PNPO: variants seen among roughly 807,000 people sequenced by gnomAD.
PNPO encodes pyridoxine-5'-phosphate oxidase.
A neutral mutation model predicts 35.0 loss-of-function variants in PNPO; 39 were observed. The observed-to-expected ratio is 1.11, with a 90% CI of 0.86 to 1.45. The LOEUF is 1.45. PNPO is among the 40% of genes most tolerant of loss of function. The probability of loss-of-function intolerance (pLI) is 0.00; values close to 1 mark genes in which losing one functional copy is unlikely to be tolerated. For synonymous variants in PNPO, 115 were observed against 119.8 expected, an observed-to-expected ratio of 0.96 and a Z score of 0.26; for missense variants, 288 against 340.0, an observed-to-expected ratio of 0.85 and a Z score of 1.20.
intron 1 of PNPO, 69 bp downstream of exon 1, chr17:47,941,882 G>A: frequency 6.7e-7 from 1 of 1,493,528 alleles, no homozygotes. Context: ...ATCTACAGCG[G>A]GGAGGGGAGT....
Position 47,945,329 on chromosome 17 carries a change from C to G in PNPO, c.364-230C>G. ...AAATCACCCAGTCTCACTTTGGAGT[C>G]CGACTGGCTTAAACTTAGCTCCACC... is the stretch of plus-strand genomic sequence containing the variant. On this transcript the variant is annotated intron_variant, in intron 3 of 6. Transcript: ENST00000642017. The surrounding 1 kb of genome is among the most constrained non-coding windows in gnomAD (Gnocchi z 4.0). The G allele has an allele frequency of 1.1e-5, 6 of 547,870 alleles. No homozygotes were observed. The South Asian group carries it at 1.2e-4, about 11-fold the overall frequency. The allele number at this position is 547,870 out of a possible 1,614,324, so 33.9% of individuals were successfully genotyped here.
rs1358149433 is a variant in PNPO at position 47,947,136 on chromosome 17, C to A, written c.*354C>A. 5 of 300,274 alleles carry A rather than the reference C, an allele frequency of 1.7e-5. No individual in the cohort carries two copies. Among genetic ancestry groups the A allele is most frequent in the African/African-American group, 1.1e-4 (5 of 46,514 alleles). The allele number at this position is 300,274 out of a possible 1,614,324, so 18.6% of individuals were successfully genotyped here. On this transcript the variant is annotated 3_prime_UTR_variant, in exon 7 of 7. Transcript: ENST00000642017. ...CAGCCCTGTCTGTTACCATGTGAGTCATACTGGCCAAAGCTTAGTCCTAGC... is the reference window on the plus strand; with the variant it reads ...CAGCCCTGTCTGTTACCATGTGAGTAATACTGGCCAAAGCTTAGTCCTAGC...
chr17:47,946,476 TCTC>T (rs777703284), intron 6 of PNPO, 83 bp downstream of exon 6: 9 of 1,390,480 alleles, frequency 6.5e-6, no homozygotes, highest in African/African-American at 1.4e-5. Context: ...GAATCACAGA[TCTC>T]CTCCTCCCTG....
chr17:47,942,500 A>C (rs1406504601), intron 1 of PNPO, among the ~76,000 whole-genome samples: 1 of 152,190 alleles, frequency 6.6e-6, no homozygotes, highest in Non-Finnish European at 1.5e-5. Context: ...GTTTGACAAA[A>C]AAGTAAGTGG....
intron 2 of PNPO, among the ~76,000 whole-genome samples, chr17:47,943,905 A>T (rs1358202471): frequency 1.3e-5 from 2 of 152,216 alleles, no homozygotes; most frequent in African/African-American, 4.8e-5. Flanking sequence ...GTACTGTGCG[A>T]GTGGATATCT....
In PNPO at chr17:47,945,519, C is replaced by CT. The variant is rs1297094239; in HGVS notation, c.364-39dup. ...CCTGCATGCCGGAGGCCTCCTCTCC[C>CT]TGTCCTGATGGCTGGCTGTGGATTC... On this transcript the variant is annotated intron_variant, in intron 3 of 6. Transcript: ENST00000642017. This position sits in a 1 kb window ranked among gnomAD's most constrained non-coding sequence, Gnocchi z 4.0. 2 of 1,573,412 alleles carry CT rather than the reference C, an allele frequency of 1.3e-6. No homozygotes were observed. The highest frequency in any genetic ancestry group is 2.7e-5 in the African/African-American group (2 of 74,172).
In PNPO at chr17:47,947,139, A is replaced by C; in HGVS notation, c.*357A>C. 3.3e-6 allele frequency: 1 copy of C among 298,616 alleles called. No homozygotes were observed. The highest frequency in any genetic ancestry group is 8.1e-5 in the East Asian group (1 of 12,418). 18.5% of individuals were successfully genotyped at this position (298,616 alleles called of 1,614,324 possible). A position where few individuals can be genotyped will look rare whatever the true frequency, so the allele number is the denominator to read the frequency against. On this transcript the variant is annotated 3_prime_UTR_variant, in exon 7 of 7. Transcript: ENST00000642017. ...CCCTGTCTGTTACCATGTGAGTCATACTGGCCAAAGCTTAGTCCTAGCATA... is the reference window on the plus strand; with the variant it reads ...CCCTGTCTGTTACCATGTGAGTCATCCTGGCCAAAGCTTAGTCCTAGCATA...
At chr17:47,946,229 C>T in intron 5 of PNPO, 94 bp from the exon 6 acceptor site, 1 of 1,109,254 alleles carries the variant, frequency 9.0e-7, no homozygotes, top group Non-Finnish European at 1.4e-6. Flanking sequence ...GTCTGCTCTG[C>T]TCACCCATGT....
Position 47,945,354 on chromosome 17 carries a change from C to A in PNPO, c.364-205C>A. The A allele has an allele frequency of 1.7e-6, 1 of 589,818 alleles. No individual in the cohort carries two copies. The highest frequency in any genetic ancestry group is 3.1e-6 in the Non-Finnish European group (1 of 324,662). 36.5% of individuals were successfully genotyped at this position (589,818 alleles called of 1,614,324 possible). A position where few individuals can be genotyped will look rare whatever the true frequency, so the allele number is the denominator to read the frequency against. On this transcript the variant is annotated intron_variant, in intron 3 of 6. Transcript: ENST00000642017. This position sits in a 1 kb window ranked among gnomAD's most constrained non-coding sequence, Gnocchi z 4.0. ...CCGACTGGCTTAAACTTAGCTCCAC[C>A]ACTTCCTGCAGGAACTTGGGCACGT...
chr17:47,945,538 T>C lies in PNPO; in HGVS notation c.364-21T>C, dbSNP rs769056431. 1.9e-6 allele frequency: 3 copies of C among 1,607,328 alleles called. No homozygotes were observed. Among genetic ancestry groups the C allele is most frequent in the Middle Eastern group, 3.3e-4 (2 of 6,066 alleles). The stretch of plus-strand genomic sequence containing the variant: ...CTCTCCCTGTCCTGATGGCTGGCTG[T>C]GGATTCTCTTTTACTTCTAGGACTC... On this transcript the variant is annotated intron_variant, in intron 3 of 6. Transcript: ENST00000642017. The surrounding 1 kb of genome is among the most constrained non-coding windows in gnomAD (Gnocchi z 4.0).
rs751372839 is a variant in PNPO, at chr17:47,946,744, G to A, written c.748G>A (p.Gly250Arg). The change falls in exon 7 of 7, where the codon GGG becomes AGG. Residue 250 changes from glycine to arginine, a missense_variant. Coordinates refer to ENST00000642017, the MANE Select transcript of PNPO (RefSeq NM_018129.4). Reference protein sequence around the residue: ...DSPLGPMTHRGEEDWLYERLA... With the variant: ...DSPLGPMTHRREEDWLYERLA... Reference sequence around the variant, plus strand: ...CCCTTTGGGGCCCATGACCCACCGCGGGGAGGAAGACTGGCTCTATGAGAG... The same window carrying A: ...CCCTTTGGGGCCCATGACCCACCGCAGGGAGGAAGACTGGCTCTATGAGAG... The A allele has an allele frequency of 2.7e-5, 44 of 1,614,036 alleles. No individual in the cohort carries two copies. Among genetic ancestry groups the A allele is most frequent in the Admixed American group, 1.2e-4 (7 of 59,998 alleles).
intron 3 of PNPO, chr17:47,944,995 G>A (rs1047908320): frequency 1.9e-6 from 1 of 514,502 alleles, no homozygotes; most frequent in Non-Finnish European, 3.5e-6. Flanking sequence ...CTCAGACTCA[G>A]CCCCTCATGC....
rs1164524277 is a variant in PNPO, at chr17:47,946,960, G to A, written c.*178G>A. On this transcript the variant is annotated 3_prime_UTR_variant, in exon 7 of 7. Coordinates refer to ENST00000642017, the MANE Select transcript of PNPO (RefSeq NM_018129.4). ...TACTCAGTTGGTTCTCAGTTAGCTG[G>A]TCAAGTGGAGTGTAATGGTGGCGTA... 1.6e-6 allele frequency: 1 copy of A among 614,706 alleles called. No homozygotes were observed. Among genetic ancestry groups the A allele is most frequent in the East Asian group, 2.8e-5 (1 of 36,300 alleles). The allele number at this position is 614,706 out of a possible 1,614,324, so 38.1% of individuals were successfully genotyped here.
rs866973135 is a variant in PNPO at position 47,941,758 on chromosome 17, G to A, written c.83G>A (p.Arg28His). The change falls in exon 1 of 7, where the codon CGC becomes CAC. Residue 28 changes from arginine to histidine, a missense_variant. Arg to His is a conservative substitution (Grantham distance 29). Coordinates refer to ENST00000642017, the MANE Select transcript of PNPO (RefSeq NM_018129.4). ...WPGYLSHLCG[R>H]SAAMDLGPMR... ...GGCTACCTCAGTCACCTGTGTGGTC[G>A]CAGTGCTGCCATGGACCTGGGACCC... 6.4e-6 allele frequency: 10 copies of A among 1,561,882 alleles called. No homozygotes were observed. Among genetic ancestry groups the A allele is most frequent in the Non-Finnish European group, 8.7e-6 (10 of 1,153,004 alleles).
chr17:47,946,726 G>T lies in PNPO; in HGVS notation c.730G>T (p.Gly244Trp), dbSNP rs1244140843. ...CCTACCCACAGGAGATTCCCCTTTG[G>T]GGCCCATGACCCACCGCGGGGAGGA... ...RGLPTGDSPL[G>W]PMTHRGEEDW... is the part of the protein sequence containing the mutation. Residue 244 changes from glycine to tryptophan, a missense_variant, in exon 7 of 7, where the codon GGG becomes TGG. Coordinates refer to ENST00000642017, the MANE Select transcript of PNPO (RefSeq NM_018129.4). 1.9e-6 allele frequency: 3 copies of T among 1,614,146 alleles called. No homozygotes were observed. Among genetic ancestry groups the T allele is most frequent in the Non-Finnish European group, 2.5e-6 (3 of 1,180,012 alleles).
intron 1 of PNPO, among the ~76,000 whole-genome samples, chr17:47,942,304 G>A (rs997135447): frequency 1.3e-5 from 2 of 151,772 alleles, no homozygotes; most frequent in African/African-American, 4.8e-5. Context: ...CCTCAAGGGC[G>A]GGGGAAGAGG....
chr17:47,944,825 T>C, intron 3 of PNPO, 110 bp downstream of exon 3: 1 of 865,694 alleles, frequency 1.2e-6, no homozygotes, highest in South Asian at 1.3e-5. Flanking sequence ...GCTCTCTGTG[T>C]GCAGGTGCCC....
Position 47,945,330 on chromosome 17 carries a change from C to T in PNPO, c.364-229C>T, listed in dbSNP as rs568780973. On this transcript the variant is annotated intron_variant, in intron 3 of 6. Transcript: ENST00000642017. This position sits in a 1 kb window ranked among gnomAD's most constrained non-coding sequence, Gnocchi z 4.0. ...AATCACCCAGTCTCACTTTGGAGTCCGACTGGCTTAAACTTAGCTCCACCA... is the reference window on the plus strand; with the variant it reads ...AATCACCCAGTCTCACTTTGGAGTCTGACTGGCTTAAACTTAGCTCCACCA... The T allele has an allele frequency of 4.0e-5, 22 of 547,916 alleles. No individual in the cohort carries two copies. Among genetic ancestry groups the T allele is most frequent in the South Asian group, 2.8e-4 (14 of 50,290 alleles). The allele number at this position is 547,916 out of a possible 1,614,324, so 33.9% of individuals were successfully genotyped here.
chr17:47,943,971 T>C (rs976290834), intron 2 of PNPO, among the ~76,000 whole-genome samples: 1 of 152,126 alleles, frequency 6.6e-6, no homozygotes, highest in Non-Finnish European at 1.5e-5. Context: ...TCCCGAAGCA[T>C]TGGATGATTG....
Sources: allele counts gnomAD v4.1 joint callset (sites outside exome capture counted in the v4.1 genomes callset), GRCh38; gene constraint gnomAD v4.1.1; non-coding constraint Gnocchi (gnomAD v3.1); transcripts MANE v1.5; gene names NCBI Gene and HGNC (gene_info 2026-07-23, HGNC 2026-07-21).